Variants in ATG4C observed in about 807,000 individuals in gnomAD.
The protein encoded by ATG4C is autophagy related 4C cysteine peptidase, also known as cysteine protease ATG4C.
In ATG4C, 56 loss-of-function variants were observed where a neutral mutation model predicts 57.6. That is an observed-to-expected ratio of 0.97 (90% confidence interval 0.78 to 1.21). ATG4C has a LOEUF of 1.21. ATG4C is among the 50% of genes most tolerant of loss of function. ATG4C has a pLI of 0.00. For missense variants in ATG4C, 595 were observed against 529.8 expected (o/e 1.12, Z -1.21); for synonymous variants, 157 against 174.1 (o/e 0.90, Z 0.78).
intron 6 of ATG4C, among the ~76,000 whole-genome samples, chr1:62,823,522 C>G (rs1008985239): frequency 4.6e-5 from 7 of 152,172 alleles, no homozygotes; most frequent in African/African-American, 1.7e-4. Flanking sequence ...ATTTCCCTAC[C>G]TGTCCTCTTT....
rs532999099 is a variant in ATG4C at position 62,830,878 on chromosome 1, A to G, written c.933+1702A>G. ...TACATATTTGTTAACCCTAATTTGT[A>G]TAATACTTTTCAATGTAAATTTATC... On this transcript the variant is annotated intron_variant, in intron 7 of 10. Transcript: ENST00000317868. 2.0e-5 allele frequency among the ~76,000 whole-genome samples: 3 copies of G among 152,294 alleles called. No homozygotes were observed. The South Asian group carries it at 6.2e-4, about 32-fold the overall frequency.
chr1:62,850,864 A>AGCG (rs1666492982), intron 10 of ATG4C, among the ~76,000 whole-genome samples: 1 of 68,294 alleles, frequency 1.5e-5, no homozygotes, highest in East Asian at 4.7e-4. Flanking sequence ...GTATATATAT[A>AGCG]TATATATATA....
chr1:62,792,366 C>G lies in ATG4C; in HGVS notation c.-69+8093C>G, dbSNP rs1332567606. 3.3e-5 allele frequency among the ~76,000 whole-genome samples: 5 copies of G among 152,126 alleles called. No individual in the cohort carries two copies. In the East Asian group the frequency reaches 7.7e-4, roughly 23 times the overall value. ...CTCATTACCACTCATAGACAGTCTT[C>G]TGATCAGTTGAAGGAATTGGGACAT... is the stretch of plus-strand genomic sequence containing the variant. On this transcript the variant is annotated intron_variant, in intron 1 of 10. Transcript: ENST00000317868.
At chr1:62,863,010 C>T (rs962556540) in intron 10 of ATG4C, among the ~76,000 whole-genome samples, 3 of 151,910 alleles carry the variant, frequency 2.0e-5, no homozygotes, top group Non-Finnish European at 4.4e-5. Flanking sequence ...GCCCTGCTTA[C>T]CTATTGAAAA....
intron 10 of ATG4C, among the ~76,000 whole-genome samples, chr1:62,854,403 G>A (rs1349824451): frequency 1.3e-5 from 2 of 151,004 alleles, no homozygotes; most frequent in Non-Finnish European, 3.0e-5. Flanking sequence ...TCAGCCTCCC[G>A]AGTAGCTGGG....
chr1:62,804,461 C>T (rs1241975503), intron 2 of ATG4C, among the ~76,000 whole-genome samples: 2 of 149,684 alleles, frequency 1.3e-5, no homozygotes, highest in African/African-American at 2.5e-5. Context: ...TTTTTTTTAG[C>T]GTTCTAAAAC....
At chr1:62,821,836 T>A (rs1054137551) in intron 6 of ATG4C, among the ~76,000 whole-genome samples, 2 of 152,138 alleles carry the variant, frequency 1.3e-5, no homozygotes, top group Admixed American at 1.3e-4. Context: ...TTTTGTATAC[T>A]CCTTATACAC....
chr1:62,816,494 A>T (rs1665274706), intron 3 of ATG4C, 81 bp from the exon 4 acceptor site: 2 of 915,702 alleles, frequency 2.2e-6, no homozygotes, highest in East Asian at 5.8e-5. Context: ...CATACTTCAC[A>T]TCTTAAGACA....
intron 10 of ATG4C, among the ~76,000 whole-genome samples, chr1:62,857,960 G>A (rs773322469): frequency 6.6e-6 from 1 of 152,136 alleles, no homozygotes; most frequent in Admixed American, 6.5e-5. Flanking sequence ...CTCTCCTGCT[G>A]TAATGGGATG....
intron 9 of ATG4C, among the ~76,000 whole-genome samples, chr1:62,835,854 A>G (rs966952299): frequency 1.3e-5 from 2 of 152,068 alleles, no homozygotes; most frequent in African/African-American, 4.8e-5. Flanking sequence ...AAGGCACTAC[A>G]GAATAATTGT....
At chr1:62,833,962 T>G (rs888923674) in intron 7 of ATG4C, 76 bp from the exon 8 acceptor site, 3 of 1,242,578 alleles carry the variant, frequency 2.4e-6, no homozygotes, top group Non-Finnish European at 2.3e-6. Context: ...CTACTAATAT[T>G]AGTAATAGAA....
intron 10 of ATG4C, 72 bp downstream of exon 10, chr1:62,841,619 A>G (rs1281973434): frequency 8.0e-7 from 1 of 1,243,090 alleles, no homozygotes; most frequent in Non-Finnish European, 1.1e-6. Flanking sequence ...GAAAGCAAAA[A>G]CCTGTAAATT....
intron 10 of ATG4C, among the ~76,000 whole-genome samples, chr1:62,853,755 T>G (rs974949978): frequency 6.6e-6 from 1 of 152,214 alleles, no homozygotes; most frequent in Non-Finnish European, 1.5e-5. Flanking sequence ...CAGTTACAAT[T>G]ATTTATCCCT....
At chr1:62,812,105 T>G (rs1665104970) in intron 3 of ATG4C, among the ~76,000 whole-genome samples, 1 of 152,186 alleles carries the variant, frequency 6.6e-6, no homozygotes. Context: ...CTTGGTGATA[T>G]TCTTTGGTCT....
intron 1 of ATG4C, among the ~76,000 whole-genome samples, chr1:62,784,524 T>C (rs1664017986): frequency 6.6e-6 from 1 of 152,204 alleles, no homozygotes; most frequent in Non-Finnish European, 1.5e-5. Flanking sequence ...CTGTTCCTCC[T>C]TTCCTTGTGG....
intron 10 of ATG4C, among the ~76,000 whole-genome samples, chr1:62,851,508 A>G: frequency 6.6e-6 from 1 of 152,180 alleles, no homozygotes; most frequent in East Asian, 1.9e-4. Context: ...TGTAACTTTA[A>G]GTGAAATGAT....
intron 7 of ATG4C, among the ~76,000 whole-genome samples, chr1:62,833,612 G>T (rs1302026478): frequency 1.3e-5 from 2 of 152,078 alleles, no homozygotes; most frequent in Non-Finnish European, 2.9e-5. Context: ...AAGACTCAAG[G>T]TTCAATGAAA....
chr1:62,791,286 G>A (rs1664267084), intron 1 of ATG4C, among the ~76,000 whole-genome samples: 1 of 152,084 alleles, frequency 6.6e-6, no homozygotes, highest in Non-Finnish European at 1.5e-5. Context: ...TCAAATACTT[G>A]ATGAATAAAT....
chr1:62,788,429 A>G (rs1664157262), intron 1 of ATG4C, among the ~76,000 whole-genome samples: 1 of 136,168 alleles, frequency 7.3e-6, no homozygotes, highest in African/African-American at 3.2e-5. Flanking sequence ...CTCTCTATAA[A>G]TACACACACA....
Sources: allele counts gnomAD v4.1 joint callset (sites outside exome capture counted in the v4.1 genomes callset), GRCh38; gene constraint gnomAD v4.1.1; transcripts MANE v1.5; gene names NCBI Gene and HGNC (gene_info 2026-07-23, HGNC 2026-07-21).